NAALADL2: variants seen among roughly 807,000 people sequenced by gnomAD.
NAALADL2 encodes N-acetylated alpha-linked acidic dipeptidase like 2, also known as inactive N-acetylated-alpha-linked acidic dipeptidase-like protein 2.
NAALADL2 carries 76 observed loss-of-function variants against 87.2 expected under a neutral mutation model. The observed-to-expected ratio is 0.87, with a 90% CI of 0.72 to 1.05. The LOEUF (loss-of-function observed/expected upper bound fraction) is 1.05, where lower values mean the gene tolerates loss of function less well. Among genes scored for constraint, NAALADL2 ranks in the 50% least tolerant of loss-of-function variants. NAALADL2 has a pLI of 0.00. For synonymous variants in NAALADL2, 354 were observed against 331.0 expected (o/e 1.07, Z -0.75); for missense variants, 1,089 against 945.8 (o/e 1.15, Z -1.99).
intron 1 of NAALADL2, among the ~76,000 whole-genome samples, chr3:174,917,009 A>C (rs1025492892): frequency 2.6e-5 from 4 of 152,144 alleles, no homozygotes; most frequent in African/African-American, 9.6e-5. Flanking sequence ...CATCCTTGGT[A>C]CACCTGGTGG....
chr3:174,573,746 G>T (rs1715195366), intron 2 of NAALADL2, among the ~76,000 whole-genome samples: 1 of 152,060 alleles, frequency 6.6e-6, no homozygotes, highest in Non-Finnish European at 1.5e-5. Context: ...ATCTAACTGA[G>T]AACTCACTCA....
At chr3:174,806,430 G>C (rs1249527104) in intron 3 of NAALADL2, among the ~76,000 whole-genome samples, 2 of 152,162 alleles carry the variant, frequency 1.3e-5, no homozygotes, top group Non-Finnish European at 2.9e-5. Flanking sequence ...CCTCAGCCTA[G>C]GTGGTTCTCT....
At chr3:175,195,061 T>C (rs181273120) in intron 2 of NAALADL2, among the ~76,000 whole-genome samples, 6 of 151,808 alleles carry the variant, frequency 4.0e-5, no homozygotes, top group Admixed American at 3.9e-4. Context: ...TCTAAGACTA[T>C]ATAATTCTTA....
upstream of NAALADL2, among the ~76,000 whole-genome samples, chr3:174,855,976 GTGTGTA>G (rs1254632954): frequency 3.5e-5 from 3 of 85,540 alleles, no homozygotes; most frequent in Admixed American, 3.6e-4. Flanking sequence ...GTGTGTGTGT[GTGTGTA>G]TATATATATA....
intron 1 of NAALADL2, among the ~76,000 whole-genome samples, chr3:175,073,034 C>T (rs924900623): frequency 2.6e-5 from 4 of 151,786 alleles, no homozygotes; most frequent in African/African-American, 9.7e-5. Context: ...GGTATGTCTT[C>T]CTAAAGTGTT....
rs541697315 is a variant in NAALADL2 at position 174,685,718 on chromosome 3, A to G, written c.-114-51923A>G. Reference sequence around the variant, plus strand: ...AGGGGTACATTTGCAGATTTGTTACATAGGTAAACTTGTGTCATGGGGGTT... The same window carrying G: ...AGGGGTACATTTGCAGATTTGTTACGTAGGTAAACTTGTGTCATGGGGGTT... On this transcript the variant is annotated intron_variant, in intron 2 of 3. Coordinates refer to the NAALADL2 transcript ENST00000434257. Among the ~76,000 whole-genome samples the G allele has an allele frequency of 9.2e-5, 14 of 152,232 alleles. No individual in the cohort carries two copies. The South Asian group carries it at 2.9e-3, about 32-fold the overall frequency.
intron 4 of NAALADL2, among the ~76,000 whole-genome samples, chr3:175,314,129 G>A: frequency 6.6e-6 from 1 of 150,428 alleles, no homozygotes; most frequent in East Asian, 2.0e-4. Flanking sequence ...ACCTTCTCTG[G>A]CATTAATTTT....
At chr3:175,728,264 T>G (rs1422259573) in intron 11 of NAALADL2, among the ~76,000 whole-genome samples, 1 of 152,106 alleles carries the variant, frequency 6.6e-6, no homozygotes, top group East Asian at 1.9e-4. Flanking sequence ...GAGGCAGATA[T>G]TTAAAACAAT....
chr3:174,503,561 A>G (rs2108374268), intron 1 of NAALADL2, among the ~76,000 whole-genome samples: 1 of 152,292 alleles, frequency 6.6e-6, no homozygotes, highest in South Asian at 2.1e-4. Context: ...GGCTTTTCAA[A>G]AATAATTAAA....
chr3:174,953,293 T>C, intron 1 of NAALADL2, among the ~76,000 whole-genome samples: 1 of 104,052 alleles, frequency 9.6e-6, no homozygotes, highest in Non-Finnish European at 1.8e-5. Flanking sequence ...CAATCTTTCT[T>C]GCCTCCCCTC....
chr3:174,622,423 T>A (rs1387498961), intron 2 of NAALADL2, among the ~76,000 whole-genome samples: 1 of 152,146 alleles, frequency 6.6e-6, no homozygotes, highest in East Asian at 1.9e-4. Flanking sequence ...AACATTATGT[T>A]TAGATTGTAA....
chr3:175,051,265 A>G (rs1755347331), intron 1 of NAALADL2, among the ~76,000 whole-genome samples: 1 of 152,182 alleles, frequency 6.6e-6, no homozygotes, highest in African/African-American at 2.4e-5. Flanking sequence ...CTGCATAACA[A>G]ATGAACACAA....
intron 13 of NAALADL2, among the ~76,000 whole-genome samples, chr3:175,766,147 C>T (rs1356636837): frequency 6.6e-6 from 1 of 152,066 alleles, no homozygotes; most frequent in Admixed American, 6.6e-5. Flanking sequence ...CCAAATATAT[C>T]CCTACTTCTG....
chr3:174,443,883 A>T (rs1559988863), intron 1 of NAALADL2, among the ~76,000 whole-genome samples: 1 of 150,486 alleles, frequency 6.6e-6, no homozygotes, highest in Non-Finnish European at 1.5e-5. Flanking sequence ...TAGCAAAGGA[A>T]ATCATTGATG....
intron 1 of NAALADL2, among the ~76,000 whole-genome samples, chr3:174,940,557 ATT>A (rs1000832813): frequency 6.6e-6 from 1 of 151,134 alleles, no homozygotes; most frequent in Non-Finnish European, 1.5e-5. Flanking sequence ...CTCCTCTTCA[ATT>A]TTTTTTTGGA....
chr3:175,341,066 A>G (rs1762521789), intron 5 of NAALADL2, among the ~76,000 whole-genome samples: 1 of 151,750 alleles, frequency 6.6e-6, no homozygotes, highest in South Asian at 2.1e-4. Flanking sequence ...TGTTTTTTGT[A>G]GCGTATTCAC....
At chr3:174,639,314 T>C (rs1045970061) in intron 2 of NAALADL2, among the ~76,000 whole-genome samples, 3 of 152,242 alleles carry the variant, frequency 2.0e-5, no homozygotes, top group Non-Finnish European at 4.4e-5. Context: ...TCTTTCAATG[T>C]AATGGAAATT....
At chr3:174,842,739 C>G (rs1396175198) in intron 3 of NAALADL2, among the ~76,000 whole-genome samples, 1 of 151,986 alleles carries the variant, frequency 6.6e-6, no homozygotes, top group Non-Finnish European at 1.5e-5. Flanking sequence ...TTATATGAAT[C>G]ATTTATACCT....
intron 2 of NAALADL2, among the ~76,000 whole-genome samples, chr3:175,208,832 C>T (rs1741350786): frequency 6.6e-6 from 1 of 152,080 alleles, no homozygotes; most frequent in Non-Finnish European, 1.5e-5. Flanking sequence ...ATCGTTTTTG[C>T]ATTTGGAATA....
Sources: gnomAD v4.1 joint callset for allele counts (sites outside exome capture counted in the v4.1 genomes callset) on GRCh38, gnomAD v4.1.1 for gene constraint, MANE v1.5 for transcripts, NCBI Gene and HGNC (gene_info 2026-07-23, HGNC 2026-07-21) for gene names.